Variants in FAT4 observed in about 807,000 individuals in gnomAD.
The protein encoded by FAT4 is FAT atypical cadherin 4.
In FAT4, 84 loss-of-function variants were observed where a neutral mutation model predicts 303.9. The observed-to-expected ratio is 0.28, with a 90% confidence interval of 0.23 to 0.33. FAT4 has a LOEUF of 0.33. Among genes scored for constraint, FAT4 ranks in the 10% least tolerant of loss-of-function variants. The probability of loss-of-function intolerance (pLI) is 1.00; values close to 1 mark genes in which losing one functional copy is unlikely to be tolerated. For synonymous variants in FAT4, 2,307 were observed against 2,298.8 expected (o/e 1.00, Z -0.10); for missense variants, 6,005 against 6,146.8 (o/e 0.98, Z 0.77).
Position 125,450,412 on chromosome 4 carries a change from T to C in FAT4, c.9402T>C (p.Asn3134=), listed in dbSNP as rs1560615692. 1 of 1,614,094 alleles carries C rather than the reference T, an allele frequency of 6.2e-7. No homozygotes were observed. The highest frequency in any genetic ancestry group is 8.5e-7 in the Non-Finnish European group (1 of 1,179,994). Residue 3134 remains asparagine, a synonymous_variant, in exon 10 of 18, where the codon AAT becomes AAC. Transcript: ENST00000394329. ...TTAAGTACAGCATTTCTTCAGGAAA[T>C]GAAGAAGGCATTTTTGCAATCAATT... The part of the protein sequence containing the change: ...GLIKYSISSG[N]EEGIFAINSS...
Position 125,451,406 on chromosome 4 carries a change from G to A in FAT4, c.10396G>A (p.Val3466Ile), listed in dbSNP as rs373744467. ...TAATCCGCAGACAGGACAGATCACC[G>A]TTACTGCAGAATTAGATCGAGAAAC... is the stretch of plus-strand genomic sequence containing the variant. ...SINPQTGQIT[V>I]TAELDRETLP... The change falls in exon 10 of 18, where the codon GTT becomes ATT. Residue 3466 changes from valine to isoleucine, a missense_variant. Val to Ile is a conservative substitution (Grantham distance 29, BLOSUM62 3). Transcript: ENST00000394329. 26 of 1,613,994 alleles carry A rather than the reference G, an allele frequency of 1.6e-5. No homozygotes were observed. Among genetic ancestry groups the A allele is most frequent in the African/African-American group, 4.0e-5 (3 of 74,904 alleles).
rs2126059036 is a variant in FAT4 at position 125,450,150 on chromosome 4, C to T, written c.9140C>T (p.Ser3047Phe). ...GATACGGGGTGGATTTCAGTAGCAT[C>T]CTCCCTGATTTCTGACTTGAACCAA... ...DNDTGWISVA[S>F]SLISDLNQNF... The change falls in exon 10 of 18, where the codon TCC (serine) becomes TTC (phenylalanine). Residue 3047 changes from serine (S) to phenylalanine (F), a missense_variant. Ser to Phe is a radical substitution (Grantham distance 155). Transcript: ENST00000394329. 1 of 1,613,730 alleles carries T rather than the reference C, an allele frequency of 6.2e-7. No homozygotes were observed.
intron 2 of FAT4, among the ~76,000 whole-genome samples, chr4:125,356,233 C>G (rs920024462): frequency 6.6e-6 from 1 of 151,998 alleles, no homozygotes; most frequent in South Asian, 2.1e-4. Context: ...AAGAGCCATC[C>G]ATACATTTGT....
In FAT4 at chr4:125,448,540, A is replaced by G; in HGVS notation, c.7530A>G (p.Arg2510=). ...AACTGCATTATTCTCTTTCGGGTAG[A>G]AATTCTGAAAAATTTCACATTGACC... The part of the protein sequence containing the change: ...NSELHYSLSG[R]NSEKFHIDPL... The change falls in exon 10 of 18, where the codon AGA becomes AGG. Residue 2510 remains arginine, a synonymous_variant. Coordinates refer to ENST00000394329, the MANE Select transcript of FAT4 (RefSeq NM_001291303.3). 1 of 1,613,914 alleles carries G rather than the reference A, an allele frequency of 6.2e-7. No individual in the cohort carries two copies. Among genetic ancestry groups the G allele is most frequent in the Non-Finnish European group, 8.5e-7 (1 of 1,179,882 alleles).
At chr4:125,412,411 G>T (rs1260390238) in intron 5 of FAT4, among the ~76,000 whole-genome samples, 1 of 151,412 alleles carries the variant, frequency 6.6e-6, no homozygotes, top group African/African-American at 2.4e-5. Flanking sequence ...TTTTTTATTT[G>T]TTTCATCAAC....
At chr4:125,357,742 GT>G (rs1180434620) in intron 2 of FAT4, among the ~76,000 whole-genome samples, 1 of 152,108 alleles carries the variant, frequency 6.6e-6, no homozygotes, top group African/African-American at 2.4e-5. Flanking sequence ...TTGTGAATAT[GT>G]TTGAATCAAG....
intron 2 of FAT4, among the ~76,000 whole-genome samples, chr4:125,369,917 C>A (rs2125990881): frequency 6.6e-6 from 1 of 152,198 alleles, no homozygotes. Context: ...ATAATGTCCT[C>A]CAGGTAGATC....
In FAT4 at chr4:125,491,629, G is replaced by A. The variant is rs1434655106; in HGVS notation, c.14813G>A (p.Trp4938Ter). Residue 4938 changes from tryptophan (W) to a stop codon, truncating the protein, a stop_gained, in exon 18 of 18, where the codon TGG becomes TAG. Transcript: ENST00000394329. LOFTEE classifies it high-confidence loss of function. ...TTCAACTGGGACAACCTTTTGAACTGGGGCCCTGGCTTTGGCCATTATGTA... is the reference window on the plus strand; with the variant it reads ...TTCAACTGGGACAACCTTTTGAACTAGGGCCCTGGCTTTGGCCATTATGTA... ...GTFNWDNLLN[W>*]GPGFGHYVDV... 6.2e-7 allele frequency: 1 copy of A among 1,614,166 alleles called. No individual in the cohort carries two copies. Among genetic ancestry groups the A allele is most frequent in the African/African-American group, 1.3e-5 (1 of 75,040 alleles).
intron 11 of FAT4, among the ~76,000 whole-genome samples, chr4:125,467,657 A>T (rs115766428): frequency 0.01 from 1,546 of 152,294 alleles, 25 homozygotes; most frequent in African/African-American, 0.036. Context: ...AGAGATAAAA[A>T]CTTAAAAGAC....
chr4:125,487,834 C>G (rs892863341), intron 17 of FAT4, among the ~76,000 whole-genome samples: 3 of 152,042 alleles, frequency 2.0e-5, no homozygotes, highest in Admixed American at 6.6e-5. Context: ...AAACTATTAG[C>G]CACCACTTTC....
At chr4:125,457,155 A>ACACACACC (rs1553928004) in intron 10 of FAT4, among the ~76,000 whole-genome samples, 5 of 124,822 alleles carry the variant, frequency 4.0e-5, no homozygotes, top group South Asian at 5.0e-4. Context: ...ACACACACAC[A>ACACACACC]CCACTGAGTA....
chr4:125,474,370 A>G (rs984600992), intron 12 of FAT4, among the ~76,000 whole-genome samples: 1 of 152,050 alleles, frequency 6.6e-6, no homozygotes, highest in Non-Finnish European at 1.5e-5. Context: ...AAGTTGAATT[A>G]TAAAAACCTA....
At chr4:125,396,203 C>T (rs770996462) in intron 2 of FAT4, among the ~76,000 whole-genome samples, 14 of 151,942 alleles carry the variant, frequency 9.2e-5, no homozygotes, top group Admixed American at 2.6e-4. Context: ...CATTAACTCA[C>T]CTATCCAATG....
rs749966136 is a variant in FAT4, at chr4:125,320,711, C to G, written c.4300C>G (p.Pro1434Ala). ...DIFKSIVENI[P>A]IGTSVISVTA... is the part of the protein sequence containing the mutation. ...TTTCAAGTCTATTGTTGAGAACATT[C>G]CCATCGGTACATCTGTCATTTCAGT... Residue 1434 changes from proline (P) to alanine (A), a missense_variant, in exon 2 of 18, where the codon CCC becomes GCC. Coordinates refer to ENST00000394329, the MANE Select transcript of FAT4 (RefSeq NM_001291303.3). 3 of 1,614,024 alleles carry G rather than the reference C, an allele frequency of 1.9e-6. No homozygotes were observed. The highest frequency in any genetic ancestry group is 1.7e-5 in the Admixed American group (1 of 60,016).
chr4:125,334,962 GTA>G (rs1560765315), intron 2 of FAT4, among the ~76,000 whole-genome samples: 1 of 152,104 alleles, frequency 6.6e-6, no homozygotes, highest in Non-Finnish European at 1.5e-5. Flanking sequence ...AATAGGGAAC[GTA>G]TTTATCCACT....
intron 10 of FAT4, among the ~76,000 whole-genome samples, chr4:125,455,380 T>C (rs1421418673): frequency 1.3e-5 from 2 of 152,214 alleles, no homozygotes; most frequent in African/African-American, 4.8e-5. Context: ...CATACTTTTC[T>C]AAACGTGATA....
At position 125,415,532 on chromosome 4, in the gene FAT4, G is replaced by A. The variant is rs182837803; in HGVS notation, c.6569G>A (p.Arg2190His). 3.9e-5 allele frequency: 63 copies of A among 1,613,918 alleles called. No individual in the cohort carries two copies. The highest frequency in any genetic ancestry group is 9.3e-5 in the African/African-American group (7 of 74,894). The change falls in exon 6 of 18, where the codon CGC becomes CAC. Residue 2190 changes from arginine to histidine, a missense_variant. Transcript: ENST00000394329. ...DGDEGTNGQV[R>H]YGIVNGNTNQ... ...GATGAAGGCACAAATGGACAGGTTC[G>A]CTATGGCATTGTTAATGGTAATACC...
chr4:125,414,341 A>G (rs770452961), intron 5 of FAT4, among the ~76,000 whole-genome samples: 2 of 152,268 alleles, frequency 1.3e-5, no homozygotes, highest in Non-Finnish European at 2.9e-5. Flanking sequence ...TTTCTTTAAA[A>G]ATACTTTTTA....
intron 8 of FAT4, among the ~76,000 whole-genome samples, chr4:125,444,411 C>G (rs1020591848): frequency 6.6e-5 from 10 of 152,126 alleles, no homozygotes; most frequent in Non-Finnish European, 1.5e-4. Flanking sequence ...ACTCCCACTT[C>G]CGTGATAATG....
Sources: gnomAD v4.1 joint callset for allele counts (sites outside exome capture counted in the v4.1 genomes callset) on GRCh38, gnomAD v4.1.1 for gene constraint, MANE v1.5 for transcripts, NCBI Gene and HGNC (gene_info 2026-07-23, HGNC 2026-07-21) for gene names.